The following VPS35L variants were observed in gnomAD, a reference collection of about 807,000 sequenced individuals.
VPS35L encodes VPS35 endosomal protein-sorting factor-like.
Under a neutral mutation model 133.0 loss-of-function variants are expected in VPS35L, and 83 were observed. The ratio of observed to expected loss-of-function variants is 0.62; its 90% CI spans 0.52 to 0.75. The LOEUF is 0.75. Ranked by LOEUF, VPS35L falls within the 30% of genes least tolerant of loss-of-function variation. The pLI is 0.00. For synonymous variants in VPS35L, 423 were observed against 449.9 expected (o/e 0.94, Z 0.76); for missense variants, 1,083 against 1,206.8 (o/e 0.90, Z 1.52).
intron 8 of VPS35L, among the ~76,000 whole-genome samples, chr16:19,600,189 A>G (rs1453129162): frequency 6.7e-6 from 1 of 149,324 alleles, no homozygotes; most frequent in South Asian, 2.1e-4. Context: ...TGATCTTTGT[A>G]TTTTCCTGTC....
intron 26 of VPS35L, among the ~76,000 whole-genome samples, chr16:19,666,345 T>C (rs1030903766): frequency 1.3e-5 from 2 of 152,204 alleles, no homozygotes; most frequent in African/African-American, 4.8e-5. Context: ...TAGCTCTTAA[T>C]AGCTACAAAA....
At chr16:19,694,977 G>A (rs1467299655) in intron 29 of VPS35L, among the ~76,000 whole-genome samples, 6 of 150,896 alleles carry the variant, frequency 4.0e-5, no homozygotes, top group Non-Finnish European at 8.8e-5. Context: ...CTGCACTCCA[G>A]CCTGGGTGAC....
chr16:19,630,983 A>T (rs8064165), intron 18 of VPS35L, among the ~76,000 whole-genome samples: 18,699 of 152,020 alleles, frequency 0.12, 2,907 homozygotes, highest in African/African-American at 0.36. Flanking sequence ...CACTCCAGCC[A>T]GAGCGACAGA....
intron 29 of VPS35L, among the ~76,000 whole-genome samples, chr16:19,696,309 T>C (rs1054032587): frequency 2.0e-5 from 3 of 152,136 alleles, no homozygotes; most frequent in Non-Finnish European, 4.4e-5. Context: ...AAGGGCCTGG[T>C]GGATTTCTCC....
rs1057136349 is a variant in VPS35L, at chr16:19,633,236, C to A, written c.1635+64C>A. ...ATTTTGTTCTGTTGAATTAAATAGG[C>A]GTGTTGTATGGGTCAGGCTATAAAG... On this transcript the variant is annotated intron_variant, in intron 19 of 30. Coordinates refer to ENST00000417362, the MANE Select transcript of VPS35L (RefSeq NM_020314.7). This position sits in a 1 kb window ranked among gnomAD's most constrained non-coding sequence, Gnocchi z 4.1. 1.4e-6 allele frequency: 2 copies of A among 1,414,366 alleles called. No individual in the cohort carries two copies. The highest frequency in any genetic ancestry group is 2.0e-6 in the Non-Finnish European group (2 of 999,126). 87.6% of individuals were successfully genotyped at this position (1,414,366 alleles called of 1,614,324 possible). A position where few individuals can be genotyped will look rare whatever the true frequency, so the allele number is the denominator to read the frequency against.
chr16:19,573,682 G>A (rs1213294880), intron 4 of VPS35L, among the ~76,000 whole-genome samples: 1 of 152,020 alleles, frequency 6.6e-6, no homozygotes, highest in Non-Finnish European at 1.5e-5. Flanking sequence ...GCGTGGTGGC[G>A]GGCACCTGTA....
intron 2 of VPS35L, among the ~76,000 whole-genome samples, chr16:19,567,556 C>A (rs1485988180): frequency 1.3e-5 from 2 of 152,084 alleles, no homozygotes; most frequent in Non-Finnish European, 2.9e-5. Context: ...ACAAAAACAG[C>A]AAATGTACCC....
chr16:19,641,830 C>T (rs924451004), intron 21 of VPS35L, among the ~76,000 whole-genome samples: 1 of 152,140 alleles, frequency 6.6e-6, no homozygotes, highest in African/African-American at 2.4e-5. Flanking sequence ...GCCCTTAGCC[C>T]ACCTGGTTTA....
At position 19,561,508 on chromosome 16, in the gene VPS35L, G is replaced by T. The variant is rs551209600; in HGVS notation, c.18-3343G>T. Reference sequence around the variant, plus strand: ...ATGGGAGCTCAATTCGTTTGTGCTGGCTTGGGTTTCTGGGTTAATGGAGGA... The same window carrying T: ...ATGGGAGCTCAATTCGTTTGTGCTGTCTTGGGTTTCTGGGTTAATGGAGGA... On this transcript the variant is annotated intron_variant, in intron 1 of 30. Transcript: ENST00000417362. Among the ~76,000 whole-genome samples, 332 of 152,318 alleles carry T rather than the reference G, an allele frequency of 2.2e-3. 1 individual carries two copies. Among genetic ancestry groups the T allele is most frequent in the African/African-American group, 7.1e-3 (295 of 41,574 alleles).
chr16:19,573,008 C>G, intron 3 of VPS35L, 111 bp from the exon 4 acceptor site: 4 of 1,252,964 alleles, frequency 3.2e-6, no homozygotes, highest in Middle Eastern at 2.9e-4. Flanking sequence ...AACCTTGAGA[C>G]AAATCTCTTT....
intron 27 of VPS35L, among the ~76,000 whole-genome samples, chr16:19,674,184 C>CTTTTTTTTTTTTTTTTTT (rs201038834): frequency 1.7e-4 from 12 of 70,902 alleles, no homozygotes; most frequent in South Asian, 6.1e-4. Context: ...TTTTCTTTTT[C>CTTTTTTTTTTTTTTTTTT]TTTTTTTTTT....
chr16:19,623,960 T>G (rs1567432963), intron 14 of VPS35L, among the ~76,000 whole-genome samples: 2 of 149,110 alleles, frequency 1.3e-5, no homozygotes, highest in East Asian at 4.0e-4. Flanking sequence ...CACACCACCA[T>G]GCTTGGCTAA....
chr16:19,635,649 G>A (rs2151573097), intron 19 of VPS35L, among the ~76,000 whole-genome samples: 1 of 152,286 alleles, frequency 6.6e-6, no homozygotes, highest in Middle Eastern at 3.4e-3. Flanking sequence ...ATGACAGCAA[G>A]TGGAAATGTC....
chr16:19,591,304 T>C (rs1003833837), intron 7 of VPS35L, among the ~76,000 whole-genome samples: 2 of 152,192 alleles, frequency 1.3e-5, no homozygotes, highest in Non-Finnish European at 2.9e-5. Context: ...ATGAGGACTG[T>C]GATGAGAGAG....
At chr16:19,626,788 A>G (rs910434914) in intron 15 of VPS35L, among the ~76,000 whole-genome samples, 2 of 151,964 alleles carry the variant, frequency 1.3e-5, no homozygotes, top group African/African-American at 4.8e-5. Context: ...AAGTAATAAT[A>G]ATAGTTATTT....
rs778091688 is a variant in VPS35L at position 19,591,878 on chromosome 16, A to G, written c.724+4A>G. ...ACCGACATACTTGATACATTTGGTA[A>G]GTACCTGTCATATGCATCTTAGATC... On this transcript the variant is annotated splice_donor_region_variant and intron_variant, in intron 8 of 30. Coordinates refer to ENST00000417362, the MANE Select transcript of VPS35L (RefSeq NM_020314.7). 2.5e-6 allele frequency: 4 copies of G among 1,587,126 alleles called. No individual in the cohort carries two copies. Among genetic ancestry groups the G allele is most frequent in the Non-Finnish European group, 3.5e-6 (4 of 1,155,552 alleles).
intron 29 of VPS35L, among the ~76,000 whole-genome samples, chr16:19,698,141 T>C (rs1333156662): frequency 1.3e-5 from 2 of 152,186 alleles, no homozygotes; most frequent in East Asian, 1.9e-4. Flanking sequence ...TGGGCTCTTA[T>C]CAGGAGGCAC....
chr16:19,606,741 T>C (rs773551159), intron 9 of VPS35L, among the ~76,000 whole-genome samples: 2 of 152,230 alleles, frequency 1.3e-5, no homozygotes, highest in Non-Finnish European at 2.9e-5. Context: ...CTAAAGTAAC[T>C]AACTTCTCCC....
At chr16:19,673,480 G>A (rs1671257754) in intron 27 of VPS35L, among the ~76,000 whole-genome samples, 2 of 152,150 alleles carry the variant, frequency 1.3e-5, no homozygotes, top group African/African-American at 4.8e-5. Flanking sequence ...TGTCCACTTG[G>A]CCCCTTAGGC....
Sources: gnomAD v4.1 joint callset for allele counts (sites outside exome capture counted in the v4.1 genomes callset) on GRCh38, gnomAD v4.1.1 for gene constraint, Gnocchi (gnomAD v3.1) non-coding constraint, MANE v1.5 for transcripts, NCBI Gene and HGNC (gene_info 2026-07-23, HGNC 2026-07-21) for gene names.